ZC3H13: variants seen among roughly 807,000 people sequenced by gnomAD.
The protein encoded by ZC3H13 is zinc finger CCCH-type containing 13.
In ZC3H13, 64 loss-of-function variants were observed where a neutral mutation model predicts 204.1. The observed-to-expected ratio is 0.31, with a 90% CI of 0.26 to 0.39. The LOEUF (loss-of-function observed/expected upper bound fraction) is 0.39. Among genes scored for constraint, ZC3H13 ranks in the 10% least tolerant of loss-of-function variants. The pLI is 1.00. For synonymous variants in ZC3H13, 667 were observed against 693.7 expected (o/e 0.96, Z 0.60); for missense variants, 1,833 against 2,082.7 (o/e 0.88, Z 2.33).
At chr13:45,994,020 C>T (rs367795802) in intron 8 of ZC3H13, among the ~76,000 whole-genome samples, 2 of 152,336 alleles carry the variant, frequency 1.3e-5, no homozygotes, top group South Asian at 4.1e-4. Context: ...TCCACACTTA[C>T]GTGTGAGTTT....
chr13:45,957,517 C>T (rs1273138983), intron 18 of ZC3H13, among the ~76,000 whole-genome samples: 1 of 152,180 alleles, frequency 6.6e-6, no homozygotes, highest in African/African-American at 2.4e-5. Context: ...TAACCTCTTG[C>T]TTAAAGTAGG....
chr13:46,028,416 G>A (rs2042674895), intron 4 of ZC3H13, among the ~76,000 whole-genome samples: 1 of 152,076 alleles, frequency 6.6e-6, no homozygotes, highest in Non-Finnish European at 1.5e-5. Context: ...GATTCAGCAG[G>A]AAGTCAGTAA....
intron 17 of ZC3H13, among the ~76,000 whole-genome samples, chr13:45,961,494 T>G (rs1197525458): frequency 7.1e-6 from 1 of 140,568 alleles, no homozygotes; most frequent in African/African-American, 2.6e-5. Flanking sequence ...TCAAAAGAAC[T>G]TAACCAACAG....
intron 8 of ZC3H13, chr13:46,001,346 C>T (rs1395621934): frequency 6.6e-6 from 1 of 152,178 alleles, no homozygotes; most frequent in Non-Finnish European, 1.5e-5. Flanking sequence ...TTAACTCTTC[C>T]TAAACCAAAA....
rs1267180847 is a variant in ZC3H13 at position 45,975,559 on chromosome 13, C to T, written c.2192G>A (p.Arg731Gln). The change falls in exon 12 of 19, where the codon CGA becomes CAA. Residue 731 changes from arginine (R) to glutamine (Q), a missense_variant. Physicochemically the swap from Arg to Gln is conservative, Grantham distance 43. Around this residue, in one of 5 missense-constraint regions of ZC3H13, gnomAD observed 1,574 missense variants for 1,757.2 expected, o/e 0.90. Transcript: ENST00000679008. ...TCTTTCCCGCTCTCGATCGTGGTCTCGGTCTCTATCCCTTTCACGATCTCT... is the reference window on the plus strand; with the variant it reads ...TCTTTCCCGCTCTCGATCGTGGTCTTGGTCTCTATCCCTTTCACGATCTCT... ...KERDRERDRDRDHDRERERER... is the reference protein window; with the variant it reads ...KERDRERDRDQDHDRERERER... The T allele has an allele frequency of 1.9e-6, 3 of 1,583,096 alleles. No homozygotes were observed. Among genetic ancestry groups the T allele is most frequent in the Non-Finnish European group, 1.7e-6 (2 of 1,164,630 alleles).
At chr13:45,975,904 G>T in intron 11 of ZC3H13, 66 bp from the exon 12 acceptor site, 1 of 1,468,222 alleles carries the variant, frequency 6.8e-7, no homozygotes. Context: ...AGACAGCATG[G>T]TAAATCTTAA....
chr13:46,046,737 T>C (rs138706197), intron 1 of ZC3H13, among the ~76,000 whole-genome samples: 270 of 152,124 alleles, frequency 1.8e-3, no homozygotes, highest in African/African-American at 6.3e-3. Flanking sequence ...ACTGAAACTA[T>C]AGTAAAAATC....
At chr13:46,023,967 A>T (rs2042377719) in intron 4 of ZC3H13, among the ~76,000 whole-genome samples, 1 of 152,198 alleles carries the variant, frequency 6.6e-6, no homozygotes, top group African/African-American at 2.4e-5. Flanking sequence ...ATGAATGAAT[A>T]ACTATCAAGG....
chr13:45,956,474 T>C lies in ZC3H13; in HGVS notation c.*653A>G, dbSNP rs1174313045. On this transcript the variant is annotated 3_prime_UTR_variant, in exon 19 of 19. Transcript: ENST00000679008. Reference sequence around the variant, plus strand: ...AAAGGGAAGATACATTTATTAAAAATAAAAATAGTACACAATCTCTGATAA... The same window carrying C: ...AAAGGGAAGATACATTTATTAAAAACAAAAATAGTACACAATCTCTGATAA... The C allele has an allele frequency of 2.0e-5, 3 of 151,904 alleles. No individual in the cohort carries two copies. The highest frequency in any genetic ancestry group is 4.4e-5 in the Non-Finnish European group (3 of 67,902). The allele number at this position is 151,904 out of a possible 1,614,324, so 9.4% of individuals were successfully genotyped here. A position where few individuals can be genotyped will look rare whatever the true frequency, so the allele number is the denominator to read the frequency against.
At chr13:45,977,900 C>T (rs1953199231) in intron 11 of ZC3H13, among the ~76,000 whole-genome samples, 1 of 152,054 alleles carries the variant, frequency 6.6e-6, no homozygotes, top group African/African-American at 2.4e-5. Context: ...AAACTTAGGT[C>T]ATTTACTACC....
At position 45,980,014 on chromosome 13, in the gene ZC3H13, G is replaced by A; in HGVS notation, c.1721-10C>T. ...CTTGAGCCTCGACTTCCTAAACAAAGGATAGACACACAAATGTTTACCACA... is the reference window on the plus strand; with the variant it reads ...CTTGAGCCTCGACTTCCTAAACAAAAGATAGACACACAAATGTTTACCACA... On this transcript the variant is annotated splice_polypyrimidine_tract_variant and intron_variant, in intron 10 of 18. Transcript: ENST00000679008. The A allele has an allele frequency of 6.3e-7, 1 of 1,579,476 alleles. No individual in the cohort carries two copies. Among genetic ancestry groups the A allele is most frequent in the Non-Finnish European group, 8.6e-7 (1 of 1,166,788 alleles).
intron 10 of ZC3H13, among the ~76,000 whole-genome samples, chr13:45,983,414 T>TATATATATATATATATATATATATC (rs10678022): frequency 4.9e-5 from 1 of 20,580 alleles, no homozygotes; most frequent in African/African-American, 3.5e-4. Context: ...TATATATATA[T>TATATATATATATATATATATATATC]TTTTTTTTTT....
At chr13:45,967,165 T>C (rs1952158939) in intron 15 of ZC3H13, among the ~76,000 whole-genome samples, 2 of 152,208 alleles carry the variant, frequency 1.3e-5, no homozygotes, top group Admixed American at 1.3e-4. Flanking sequence ...TAAGAAGTCA[T>C]TTCAATTTTT....
chr13:45,971,151 C>A (rs1952550619), intron 12 of ZC3H13, among the ~76,000 whole-genome samples: 1 of 152,100 alleles, frequency 6.6e-6, no homozygotes, highest in Non-Finnish European at 1.5e-5. Context: ...TAAAATAATT[C>A]ATACGTTCAT....
chr13:46,029,868 CA>C (rs1218134977), intron 4 of ZC3H13, among the ~76,000 whole-genome samples: 1 of 151,992 alleles, frequency 6.6e-6, no homozygotes, highest in Admixed American at 6.6e-5. Context: ...ATTAGCAAAT[CA>C]AAAAGTAACT....
chr13:46,042,396 C>A (rs188257721), intron 3 of ZC3H13, 121 bp from the exon 4 acceptor site: 7 of 624,124 alleles, frequency 1.1e-5, no homozygotes, highest in South Asian at 6.4e-5. Context: ...AATCTCAATA[C>A]ACTTTTTCTA....
Position 45,985,624 on chromosome 13 carries a change from T to C in ZC3H13, c.1393A>G (p.Arg465Gly), listed in dbSNP as rs1432166551. ...GRDRRDARDT[R>G]DRRELRDSRD... is the part of the protein sequence containing the mutation. ...GAGTCTCTTAGTTCCCTTCGGTCCC[T>C]AGTATCTCTGGCATCTCTCCGATCC... is the stretch of plus-strand genomic sequence containing the variant. The change falls in exon 10 of 19, where the codon AGG becomes GGG. Residue 465 changes from arginine (R) to glycine (G), a missense_variant. Physicochemically the swap from Arg to Gly is moderately radical, Grantham distance 125. Transcript: ENST00000679008. 1 of 1,614,004 alleles carries C rather than the reference T, an allele frequency of 6.2e-7. No individual in the cohort carries two copies. The highest frequency in any genetic ancestry group is 1.1e-5 in the South Asian group (1 of 91,046).
Position 45,984,950 on chromosome 13 carries a change from C to T in ZC3H13, c.1720+347G>A, listed in dbSNP as rs145199491. The stretch of plus-strand genomic sequence containing the variant: ...CTGAAAACCCACCACTTTAATCCTA[C>T]TTTAATTTAATGAACATTTTATCAT... On this transcript the variant is annotated intron_variant, in intron 10 of 18. Transcript: ENST00000679008. Among the ~76,000 whole-genome samples the T allele has an allele frequency of 1.6e-4, 25 of 152,276 alleles. 1 individual carries two copies. In the East Asian group the frequency reaches 4.8e-3, roughly 29 times the overall value.
rs528440734 is a variant in ZC3H13, at chr13:45,984,316, G to A, written c.1720+981C>T. Among the ~76,000 whole-genome samples, 7 of 152,072 alleles carry A rather than the reference G, an allele frequency of 4.6e-5. No individual in the cohort carries two copies. In the South Asian group the frequency reaches 8.3e-4, roughly 18 times the overall value. ...GGCAAAAGAGTGGTCAGGGTACAAC[G>A]GAGGCTTTTCACTATATATCCTTTT... is the stretch of plus-strand genomic sequence containing the variant. On this transcript the variant is annotated intron_variant, in intron 10 of 18. Transcript: ENST00000679008.
Sources: gnomAD v4.1 joint callset for allele counts (sites outside exome capture counted in the v4.1 genomes callset) on GRCh38, gnomAD v4.1.1 for gene constraint, gnomAD v4.1.1 regional missense constraint, MANE v1.5 for transcripts, NCBI Gene and HGNC (gene_info 2026-07-23, HGNC 2026-07-21) for gene names.